Variants in TAF1 observed in about 807,000 individuals in gnomAD.
The protein encoded by TAF1 is transcription initiation factor TFIID subunit 1.
A neutral mutation model predicts 138.5 loss-of-function variants in TAF1; 2 were observed. The observed-to-expected ratio is 0.01, with a 90% CI of 0.01 to 0.05. TAF1 has a LOEUF of 0.05. TAF1 is among the 10% of genes least tolerant of loss of function. TAF1 has a pLI of 1.00. For missense variants in TAF1, 709 were observed against 1,478.0 expected (o/e 0.48, Z 8.53); for synonymous variants, 437 against 503.2 (o/e 0.87, Z 1.76).
Position 71,379,044 on chromosome X carries a change from G to A in TAF1, c.1360+13G>A, listed in dbSNP as rs2033677362. 4 of 1,198,700 alleles carry A rather than the reference G, an allele frequency of 3.3e-6. No individual in the cohort carries two copies. The highest frequency in any genetic ancestry group is 2.2e-5 in the Admixed American group (1 of 45,095). On this transcript the variant is annotated intron_variant, in intron 8 of 37. Transcript: ENST00000423759. Reference sequence around the variant, plus strand: ...AATGTTCAGCAAGGTGTGCTTCTGTGCCAGCTGTGTCTAGCAGATACTGCC... The same window carrying A: ...AATGTTCAGCAAGGTGTGCTTCTGTACCAGCTGTGTCTAGCAGATACTGCC...
chrX:71,395,271 G>A (rs2034786664), intron 22 of TAF1, among the ~76,000 whole-genome samples: 1 of 111,728 alleles, frequency 9.0e-6, no homozygotes, highest in South Asian at 3.7e-4. Flanking sequence ...CACTTTGGGA[G>A]GTCGAAGTGA....
chrX:71,429,630 C>G (rs1462487602), intron 32 of TAF1, among the ~76,000 whole-genome samples: 1 of 111,049 alleles, frequency 9.0e-6, no homozygotes, highest in African/African-American at 3.3e-5. Flanking sequence ...GTACTAGTAC[C>G]TGAATGTATC....
chrX:71,481,208 G>T (rs372005007), intron 13 of TAF1, among the ~76,000 whole-genome samples: 2 of 111,966 alleles, frequency 1.8e-5, no homozygotes, highest in African/African-American at 6.5e-5. Flanking sequence ...GAACCCGGGA[G>T]GGGGAGGTTG....
intron 3 of TAF1, among the ~76,000 whole-genome samples, chrX:71,372,859 ATACT>A (rs1228990770): frequency 9.0e-6 from 1 of 111,591 alleles, no homozygotes; most frequent in African/African-American, 3.3e-5. Flanking sequence ...GGAAGTTGCT[ATACT>A]TACTTTTTTG....
chrX:71,444,849 T>C (rs2037610853), intron 32 of TAF1, among the ~76,000 whole-genome samples: 1 of 110,540 alleles, frequency 9.0e-6, no homozygotes, highest in Non-Finnish European at 1.9e-5. Context: ...TTCTCCTGCC[T>C]CAGCCTCCTG....
At position 71,424,245 on chromosome X, in the gene TAF1, AT is replaced by A. The variant is rs762280604; in HGVS notation, c.4753+10del. On this transcript the variant is annotated splice_region_variant and intron_variant, in intron 32 of 37. Transcript: ENST00000423759. ...AACAGTGTTAAGTATAATGGTGGGT[AT>A]TTCTCATTATTTTCTTTCCATGAAT... is the stretch of plus-strand genomic sequence containing the variant. 525 of 1,153,741 alleles carry A rather than the reference AT, an allele frequency of 4.6e-4. No homozygotes were observed. Among genetic ancestry groups the A allele is most frequent in the Non-Finnish European group, 5.1e-4 (439 of 855,453 alleles).
intron 13 of TAF1, among the ~76,000 whole-genome samples, chrX:71,527,256 C>T (rs1434280736): frequency 1.8e-5 from 2 of 108,473 alleles, no homozygotes; most frequent in Admixed American, 9.9e-5. Context: ...TGTGGTGGCA[C>T]GTGCCTGTAA....
At chrX:71,392,328 G>T (rs1028672980) in intron 18 of TAF1, among the ~76,000 whole-genome samples, 10 of 111,253 alleles carry the variant, frequency 9.0e-5, no homozygotes. Flanking sequence ...CTGAGCTCTT[G>T]ACCTCTATTT....
intron 32 of TAF1, among the ~76,000 whole-genome samples, chrX:71,447,732 C>T (rs1367129546): frequency 1.8e-5 from 2 of 109,713 alleles, no homozygotes; most frequent in East Asian, 2.8e-4. Context: ...TGCTTGCTTT[C>T]CCCCCTTACT....
rs767268984 is a variant in TAF1, at chrX:71,464,598, C to T, written c.*552C>T. 5 of 188,979 alleles carry T rather than the reference C, an allele frequency of 2.6e-5. No individual in the cohort carries two copies. Among genetic ancestry groups the T allele is most frequent in the African/African-American group, 3.0e-5 (1 of 33,594 alleles). 15.6% of individuals were successfully genotyped at this position (188,979 alleles called of 1,213,427 possible). ...CGTATGCCTGTTAATCCTAGCTACT[C>T]GGGAGGCTGAGGCAGGAGAATTACT... On this transcript the variant is annotated 3_prime_UTR_variant, in exon 38 of 38. Coordinates refer to ENST00000423759, the MANE Select transcript of TAF1 (RefSeq NM_004606.5).
rs146339446 is a variant in TAF1 at position 71,378,641 on chromosome X, T to G, written c.1153-183T>G. ...TAGGTCCTATTCTAAGGATTCTGTT[T>G]GTGAAATGAATGCTGTGCCAGACTA... On this transcript the variant is annotated intron_variant, in intron 7 of 37. Transcript: ENST00000423759. Among the ~76,000 whole-genome samples, 641 of 111,740 alleles carry G rather than the reference T, an allele frequency of 5.7e-3. 6 individuals are homozygous for G. Among genetic ancestry groups the G allele is most frequent in the Non-Finnish European group, 7.7e-3 (410 of 53,160 alleles).
chrX:71,389,380 G>A (rs2034427567), intron 17 of TAF1, among the ~76,000 whole-genome samples: 1 of 112,066 alleles, frequency 8.9e-6, no homozygotes. Flanking sequence ...GTAACTATCT[G>A]TATATCAGCT....
chrX:71,375,552 A>T (rs1431025656), intron 4 of TAF1, among the ~76,000 whole-genome samples: 1 of 105,140 alleles, frequency 9.5e-6, no homozygotes, highest in Non-Finnish European at 2.0e-5. Flanking sequence ...TAGAATCTTT[A>T]AAAAAAAAAA....
intron 2 of TAF1, 75 bp downstream of exon 2, chrX:71,367,688 T>C: frequency 1.8e-6 from 2 of 1,090,626 alleles, no homozygotes. Flanking sequence ...TTTGTGTGTG[T>C]AAGACGGAGT....
At chrX:71,479,235 G>T (rs1008279869) in intron 13 of TAF1, among the ~76,000 whole-genome samples, 1 of 112,031 alleles carries the variant, frequency 8.9e-6, no homozygotes, top group East Asian at 2.8e-4. Flanking sequence ...ATGATTCTAT[G>T]TATATAAGGT....
downstream of TAF1, among the ~76,000 whole-genome samples, chrX:71,467,602 T>C (rs1429840896): frequency 8.9e-6 from 1 of 112,019 alleles, no homozygotes; most frequent in African/African-American, 3.2e-5. Flanking sequence ...GGTTTAACCA[T>C]ATGAAAAACA....
At chrX:71,401,429 T>TGC in intron 24 of TAF1, 99 bp from the exon 25 acceptor site, 1 of 1,023,106 alleles carries the variant, frequency 9.8e-7, no homozygotes, top group Non-Finnish European at 1.3e-6. Flanking sequence ...ACCAATCCCC[T>TGC]GCATATACTG....
rs775286337 is a variant in TAF1, at chrX:71,487,031, G to A, written c.1366+26228G>A. Among the ~76,000 whole-genome samples, 3 of 105,523 alleles carry A rather than the reference G, an allele frequency of 2.8e-5. No homozygotes were observed. In the South Asian group the frequency reaches 1.3e-3, roughly 46 times the overall value. The allele number at this position is 105,523 out of a possible 115,157, so 91.6% of individuals were successfully genotyped here. On this transcript the variant is annotated intron_variant and NMD_transcript_variant, in intron 13 of 14. Coordinates refer to the TAF1 transcript ENST00000373775. ...TGGTATAATTTTCTTCATAATTACT[G>A]TACTTGGAGTATGTTGTGATTCTTG...
chrX:71,496,357 G>C (rs1037295829), intron 13 of TAF1, among the ~76,000 whole-genome samples: 16 of 112,378 alleles, frequency 1.4e-4, no homozygotes, highest in Admixed American at 1.3e-3. Flanking sequence ...CTGACAGTAA[G>C]GTGGTATTGG....
Sources: gnomAD v4.1 joint callset for allele counts (sites outside exome capture counted in the v4.1 genomes callset) on GRCh38, gnomAD v4.1.1 for gene constraint, MANE v1.5 for transcripts, NCBI Gene and HGNC (gene_info 2026-07-23, HGNC 2026-07-21) for gene names.